The following FMN2 variants were observed in gnomAD, a reference collection of about 807,000 sequenced individuals.
FMN2 encodes the protein formin-2.
In FMN2, 51 loss-of-function variants were observed where a neutral mutation model predicts 142.3. The observed-to-expected ratio is 0.36, with a 90% CI of 0.29 to 0.45. The LOEUF (loss-of-function observed/expected upper bound fraction) is 0.45, where lower values mean the gene tolerates loss of function less well. FMN2 is among the 20% of genes least tolerant of loss of function. The pLI is 1.00. For synonymous variants in FMN2, 882 were observed against 869.8 expected (o/e 1.01, Z -0.25); for missense variants, 1,936 against 2,122.8 (o/e 0.91, Z 1.73).
In FMN2 at chr1:240,178,450, T is replaced by C. The variant is rs113543911; in HGVS notation, c.1930+382T>C. Among the ~76,000 whole-genome samples, 258 of 150,418 alleles carry C rather than the reference T, an allele frequency of 1.7e-3. 1 individual carries two copies. The highest frequency in any genetic ancestry group is 2.8e-3 in the Non-Finnish European group (192 of 67,616). ...TTCCCCCCTTCTTCTTCTTCTTCTT[T>C]TTTTTTTTTTTTCTGGACAAGGTCT... On this transcript the variant is annotated intron_variant, in intron 3 of 17. Transcript: ENST00000319653.
chr1:240,289,259 G>C (rs1158367575), intron 7 of FMN2, among the ~76,000 whole-genome samples: 1 of 152,138 alleles, frequency 6.6e-6, no homozygotes, highest in Non-Finnish European at 1.5e-5. Context: ...GACTGCTCCA[G>C]TCCTGTCTCA....
At chr1:240,183,412 TATA>T (rs951993762) in intron 3 of FMN2, among the ~76,000 whole-genome samples, 31 of 148,096 alleles carry the variant, frequency 2.1e-4, no homozygotes, top group African/African-American at 6.1e-4. Context: ...AAATATATAA[TATA>T]ATATATATAT....
chr1:240,337,053 T>A (rs896795053), intron 13 of FMN2, among the ~76,000 whole-genome samples: 2 of 152,050 alleles, frequency 1.3e-5, no homozygotes, highest in Admixed American at 6.6e-5. Flanking sequence ...ATGTCCTTTT[T>A]AGGAACGAGA....
intron 6 of FMN2, among the ~76,000 whole-genome samples, chr1:240,228,603 G>T (rs972871256): frequency 2.0e-5 from 3 of 152,030 alleles, no homozygotes; most frequent in Non-Finnish European, 4.4e-5. Flanking sequence ...AAAAGGTGCA[G>T]CCATTTGAAT....
chr1:240,222,590 C>A (rs990085354), intron 6 of FMN2, among the ~76,000 whole-genome samples: 3 of 151,880 alleles, frequency 2.0e-5, no homozygotes, highest in African/African-American at 7.3e-5. Context: ...TGCACTATGG[C>A]CATTTTCACA....
At chr1:240,333,087 G>A (rs1671433032) in intron 11 of FMN2, among the ~76,000 whole-genome samples, 1 of 152,028 alleles carries the variant, frequency 6.6e-6, no homozygotes, top group African/African-American at 2.4e-5. Flanking sequence ...GTATCATAGG[G>A]TTTGTTTTTA....
At chr1:240,201,289 A>G (rs752078078) in intron 4 of FMN2, among the ~76,000 whole-genome samples, 2 of 152,194 alleles carry the variant, frequency 1.3e-5, no homozygotes, top group Non-Finnish European at 2.9e-5. Flanking sequence ...TGATTTTTGG[A>G]TGTTTTAAAC....
At chr1:240,297,955 T>G (rs1468055944) in intron 8 of FMN2, among the ~76,000 whole-genome samples, 1 of 151,994 alleles carries the variant, frequency 6.6e-6, no homozygotes, top group Non-Finnish European at 1.5e-5. Context: ...CTGCTTGGGG[T>G]CTCTTCTACA....
chr1:240,421,106 A>G (rs1362912762), intron 15 of FMN2, among the ~76,000 whole-genome samples: 1 of 152,166 alleles, frequency 6.6e-6, no homozygotes, highest in Non-Finnish European at 1.5e-5. Context: ...GTAGGATTGC[A>G]CTTGTATCAG....
chr1:240,449,273 C>T (rs1371336705), intron 16 of FMN2, among the ~76,000 whole-genome samples: 4 of 152,140 alleles, frequency 2.6e-5, no homozygotes, highest in Admixed American at 2.6e-4. Flanking sequence ...CCTTATGCCC[C>T]CTGGTACCCA....
chr1:240,446,025 T>G (rs2103197132), intron 16 of FMN2, among the ~76,000 whole-genome samples: 1 of 152,292 alleles, frequency 6.6e-6, no homozygotes, highest in African/African-American at 2.4e-5. Flanking sequence ...TAATATTCAC[T>G]AGGATGCTAG....
At chr1:240,153,634 G>A (rs566003819) in intron 2 of FMN2, among the ~76,000 whole-genome samples, 2 of 152,158 alleles carry the variant, frequency 1.3e-5, no homozygotes, top group East Asian at 3.9e-4. Flanking sequence ...AAAGTGTTGG[G>A]ATTACAAGTG....
intron 15 of FMN2, among the ~76,000 whole-genome samples, chr1:240,407,631 TA>T (rs979076880): frequency 6.6e-6 from 1 of 152,210 alleles, no homozygotes; most frequent in Non-Finnish European, 1.5e-5. Context: ...CTTAATACCA[TA>T]ACTAACCATG....
intron 16 of FMN2, among the ~76,000 whole-genome samples, chr1:240,447,950 G>A (rs2103201529): frequency 6.6e-6 from 1 of 152,294 alleles, no homozygotes; most frequent in South Asian, 2.1e-4. Context: ...AGAGTTCTAA[G>A]CATGAGAGTG....
At position 240,438,195 on chromosome 1, in the gene FMN2, T is replaced by G; in HGVS notation, c.5045T>G (p.Leu1682Arg). ...FKDFWKKENKLLLQERVKEAE... is the reference protein window; with the variant it reads ...FKDFWKKENKRLLQERVKEAE... ...GACTTCTGGAAGAAAGAGAACAAAC[T>G]TCTTCTACAAGAGAGGTAGGTATTT... Residue 1682 changes from leucine to arginine, a missense_variant, in exon 16 of 18, where the codon CTT becomes CGT. By Grantham distance (102) the Leu-to-Arg change is moderately radical (BLOSUM62 -2). This residue lies in a region of FMN2 where 322 missense variants were observed against 401.6 expected (regional missense o/e 0.80). Coordinates refer to ENST00000319653, the MANE Select transcript of FMN2 (RefSeq NM_020066.5). 1 of 1,613,400 alleles carries G rather than the reference T, an allele frequency of 6.2e-7. No homozygotes were observed. The highest frequency in any genetic ancestry group is 8.5e-7 in the Non-Finnish European group (1 of 1,179,840).
At chr1:240,419,786 C>T (rs1572288897) in intron 15 of FMN2, among the ~76,000 whole-genome samples, 2 of 152,052 alleles carry the variant, frequency 1.3e-5, no homozygotes, top group African/African-American at 4.8e-5. Context: ...GTCAGGGGGT[C>T]CTGGATCTGA....
intron 2 of FMN2, chr1:240,145,309 G>T (rs1482045384): frequency 2.4e-6 from 3 of 1,244,722 alleles, no homozygotes; most frequent in South Asian, 1.5e-5. Context: ...CATCCATGCC[G>T]CTGAGGGCCG....
intron 16 of FMN2, among the ~76,000 whole-genome samples, chr1:240,469,087 A>G (rs1007762435): frequency 2.6e-5 from 4 of 152,146 alleles, no homozygotes; most frequent in Non-Finnish European, 5.9e-5. Flanking sequence ...GCAATCTGGT[A>G]CAAGAGTGGG....
intron 1 of FMN2, among the ~76,000 whole-genome samples, chr1:240,112,227 G>T (rs1288493052): frequency 6.6e-6 from 1 of 151,674 alleles, no homozygotes; most frequent in East Asian, 1.9e-4. Context: ...CACCTCCTGG[G>T]TTCAAGTGCG....
Sources: gnomAD v4.1 joint callset for allele counts (sites outside exome capture counted in the v4.1 genomes callset) on GRCh38, gnomAD v4.1.1 for gene constraint, gnomAD v4.1.1 regional missense constraint, MANE v1.5 for transcripts, NCBI Gene and HGNC (gene_info 2026-07-23, HGNC 2026-07-21) for gene names.